Variants in FBXW7 observed in about 807,000 individuals in gnomAD.
FBXW7 encodes the protein F-box and WD repeat domain containing 7.
A neutral mutation model predicts 86.3 loss-of-function variants in FBXW7; 11 were observed. The observed-to-expected ratio is 0.13, with a 90% CI of 0.08 to 0.21. FBXW7 has a LOEUF of 0.21. FBXW7 is among the 10% of genes least tolerant of loss of function. FBXW7 has a pLI of 1.00. For missense variants in FBXW7, 488 were observed against 847.4 expected (o/e 0.58, Z 5.27); for synonymous variants, 313 against 297.9 (o/e 1.05, Z -0.52).
chr4:152,384,453 T>C (rs772950089), intron 4 of FBXW7, among the ~76,000 whole-genome samples: 2 of 152,116 alleles, frequency 1.3e-5, no homozygotes, highest in African/African-American at 2.4e-5. Flanking sequence ...GATCCACTTA[T>C]ATAAGGTACT....
chr4:152,437,139 T>C (rs1343008959), intron 2 of FBXW7, among the ~76,000 whole-genome samples: 2 of 152,206 alleles, frequency 1.3e-5, no homozygotes, highest in South Asian at 2.1e-4. Context: ...GCACTCCAGA[T>C]ACCATTAAGA....
intron 2 of FBXW7, among the ~76,000 whole-genome samples, chr4:152,421,261 T>G (rs1039503123): frequency 9.2e-5 from 14 of 152,230 alleles, no homozygotes; most frequent in African/African-American, 3.4e-4. Flanking sequence ...GTTCGGGCCT[T>G]GCTCTGGATT....
intron 4 of FBXW7, among the ~76,000 whole-genome samples, chr4:152,382,854 A>AT (rs1390001799): frequency 6.6e-6 from 1 of 152,060 alleles, no homozygotes; most frequent in East Asian, 1.9e-4. Flanking sequence ...TTTGTTTTGA[A>AT]TTTTTTGAAC....
In FBXW7 at chr4:152,323,127, A is replaced by G; in HGVS notation, c.1878T>C (p.Ala626=). Residue 626 remains alanine, a synonymous_variant, in exon 14 of 14, where the codon GCT becomes GCC. Coordinates refer to ENST00000281708, the MANE Select transcript of FBXW7 (RefSeq NM_001349798.2). ...TLQGPNKHQS[A]VTCLQFNKNF... Reference sequence around the variant, plus strand: ...TCTTGTTGAACTGTAAACAGGTCACAGCACTCTGATGCTTGTTGGGACCTA... The same window carrying G: ...TCTTGTTGAACTGTAAACAGGTCACGGCACTCTGATGCTTGTTGGGACCTA... The G allele has an allele frequency of 6.2e-7, 1 of 1,613,612 alleles. No individual in the cohort carries two copies. The highest frequency in any genetic ancestry group is 8.5e-7 in the Non-Finnish European group (1 of 1,179,690).
At chr4:152,366,889 A>G (rs547460124) in intron 4 of FBXW7, among the ~76,000 whole-genome samples, 3 of 152,336 alleles carry the variant, frequency 2.0e-5, no homozygotes, top group East Asian at 1.9e-4. Context: ...ATGTCCATCA[A>G]TGATAGACTG....
intron 4 of FBXW7, among the ~76,000 whole-genome samples, chr4:152,351,770 C>A (rs987906514): frequency 1.3e-5 from 2 of 151,950 alleles, no homozygotes; most frequent in African/African-American, 4.8e-5. Context: ...CAGAACTTCC[C>A]AGGATACCTT....
At chr4:152,332,217 T>C (rs1729628618) in intron 8 of FBXW7, among the ~76,000 whole-genome samples, 1 of 152,146 alleles carries the variant, frequency 6.6e-6, no homozygotes, top group Non-Finnish European at 1.5e-5. Flanking sequence ...AGTTCACTGC[T>C]GTATCCCCCA....
At chr4:152,531,215 T>C (rs1321913630) in intron 2 of FBXW7, among the ~76,000 whole-genome samples, 1 of 152,232 alleles carries the variant, frequency 6.6e-6, no homozygotes, top group Non-Finnish European at 1.5e-5. Context: ...AAAATTCATC[T>C]GAACATGGCT....
At chr4:152,345,547 C>G (rs2126627992) in intron 6 of FBXW7, among the ~76,000 whole-genome samples, 1 of 152,078 alleles carries the variant, frequency 6.6e-6, no homozygotes, top group South Asian at 2.1e-4. Flanking sequence ...CAGCAGTGTC[C>G]TGCGCCCCAT....
intron 2 of FBXW7, among the ~76,000 whole-genome samples, chr4:152,427,749 C>T (rs116362214): frequency 0.015 from 2,298 of 152,262 alleles, 63 homozygotes; most frequent in African/African-American, 0.051. Flanking sequence ...TCTGTTGAGA[C>T]TTACTGTATT....
intron 2 of FBXW7, among the ~76,000 whole-genome samples, chr4:152,478,452 G>T (rs1172659248): frequency 1.3e-5 from 2 of 151,976 alleles, no homozygotes; most frequent in Non-Finnish European, 2.9e-5. Flanking sequence ...AAACACATTT[G>T]TCCATTCATC....
rs551830088 is a variant in FBXW7 at position 152,368,213 on chromosome 4, C to G, written c.502-18089G>C. 1.1e-4 allele frequency among the ~76,000 whole-genome samples: 17 copies of G among 152,222 alleles called. No homozygotes were observed. In the South Asian group the frequency reaches 3.5e-3, roughly 32 times the overall value. ...TCTGCCTGTTTCCTTCTCTTCTCTACATACCAGCTGTATGGTAATGAGCAT... is the reference window on the plus strand; with the variant it reads ...TCTGCCTGTTTCCTTCTCTTCTCTAGATACCAGCTGTATGGTAATGAGCAT... On this transcript the variant is annotated intron_variant, in intron 4 of 13. Coordinates refer to ENST00000281708, the MANE Select transcript of FBXW7 (RefSeq NM_001349798.2).
intron 4 of FBXW7, among the ~76,000 whole-genome samples, chr4:152,377,534 C>T (rs1430681668): frequency 2.0e-5 from 3 of 151,076 alleles, no homozygotes; most frequent in Non-Finnish European, 4.4e-5. Context: ...GGTGGATCAA[C>T]TGCGGTCAGG....
chr4:152,521,842 T>C (rs1255651939), intron 2 of FBXW7, among the ~76,000 whole-genome samples: 1 of 123,020 alleles, frequency 8.1e-6, no homozygotes, highest in Non-Finnish European at 1.6e-5. Flanking sequence ...TTTTTGAGAC[T>C]GAGTCTCGCC....
intron 2 of FBXW7, among the ~76,000 whole-genome samples, chr4:152,418,372 A>G (rs1395916027): frequency 1.3e-5 from 2 of 152,310 alleles, no homozygotes; most frequent in East Asian, 3.9e-4. Context: ...CTTGGATGTA[A>G]AAGGAAAATG....
chr4:152,480,289 A>G lies in FBXW7; in HGVS notation c.-120+54652T>C, dbSNP rs527567737. On this transcript the variant is annotated intron_variant, in intron 2 of 13. Transcript: ENST00000281708. The stretch of plus-strand genomic sequence containing the variant: ...TGTGATCTTTGATGTTACTATTTTA[A>G]CTGCTTTGGGCCACCACAAATCACA... 2.6e-5 allele frequency among the ~76,000 whole-genome samples: 4 copies of G among 152,204 alleles called. No individual in the cohort carries two copies. In the East Asian group the frequency reaches 7.7e-4, roughly 29 times the overall value.
chr4:152,388,126 A>G (rs914938304), intron 4 of FBXW7, among the ~76,000 whole-genome samples: 2 of 152,196 alleles, frequency 1.3e-5, no homozygotes, highest in African/African-American at 4.8e-5. Context: ...ATTACTAAAA[A>G]TGTTCTAAAA....
At position 152,535,499 on chromosome 4, in the gene FBXW7, G is replaced by C. The variant is rs1487880703; in HGVS notation, c.-585C>G. 2.5e-6 allele frequency: 1 copy of C among 395,040 alleles called. No individual in the cohort carries two copies. The highest frequency in any genetic ancestry group is 4.5e-6 in the Non-Finnish European group (1 of 223,860). 24.5% of individuals were successfully genotyped at this position (395,040 alleles called of 1,614,324 possible). ...ATCGGGGTCCCCGCCCCCCCGGCCG[G>C]GGGGTGGTTGCCGAGCTTGGTTGGG... On this transcript the variant is annotated 5_prime_UTR_variant, in exon 1 of 14. Transcript: ENST00000281708.
chr4:152,444,164 T>G (rs959887732), intron 2 of FBXW7, among the ~76,000 whole-genome samples: 3 of 152,238 alleles, frequency 2.0e-5, no homozygotes, highest in Non-Finnish European at 4.4e-5. Context: ...TAATTTCATA[T>G]GATTTAACCT....
Sources: gnomAD v4.1 joint callset for allele counts (sites outside exome capture counted in the v4.1 genomes callset) on GRCh38, gnomAD v4.1.1 for gene constraint, MANE v1.5 for transcripts, NCBI Gene and HGNC (gene_info 2026-07-23, HGNC 2026-07-21) for gene names.